C10orf143: variants seen among roughly 807,000 people sequenced by gnomAD.
C10orf143 encodes chromosome 10 open reading frame 143.
chr10:130,089,241 G>C (rs7071201), intron 1 of C10orf143, among the ~76,000 whole-genome samples: 5,840 of 152,280 alleles, frequency 0.038, 305 homozygotes, highest in East Asian at 0.11. Flanking sequence ...GGCTTGCAAG[G>C]TTTACCAAGC....
intron 1 of C10orf143, among the ~76,000 whole-genome samples, chr10:130,099,049 C>T (rs566887308): frequency 7.7e-4 from 113 of 147,226 alleles, no homozygotes; most frequent in Non-Finnish European, 1.5e-3. Flanking sequence ...GATCATGCCA[C>T]TTCACTCCAG....
chr10:130,073,089 C>T (rs1044189093), intron 3 of C10orf143, among the ~76,000 whole-genome samples: 1 of 152,082 alleles, frequency 6.6e-6, no homozygotes, highest in Non-Finnish European at 1.5e-5. Context: ...ATTTCTTGAC[C>T]CCTCTTCTCA....
At chr10:130,068,158 C>T (rs2764371) in intron 3 of C10orf143, 90,346 of 151,964 alleles carry the variant, frequency 0.59, 27,786 homozygotes, top group Admixed American at 0.71. Context: ...CCAGGTGCCC[C>T]CGGCACCCCC....
intron 3 of C10orf143, among the ~76,000 whole-genome samples, chr10:130,046,570 A>AT (rs1397177813): frequency 6.6e-6 from 1 of 152,230 alleles, no homozygotes; most frequent in African/African-American, 2.4e-5. Context: ...ATTTGATTTA[A>AT]TTTTTAATTT....
chr10:130,071,418 T>G (rs560184055), intron 3 of C10orf143, among the ~76,000 whole-genome samples: 1 of 152,344 alleles, frequency 6.6e-6, no homozygotes, highest in East Asian at 1.9e-4. Flanking sequence ...TGAACACCTA[T>G]TTATATTTAT....
At chr10:130,046,091 T>C (rs1449379345) in intron 3 of C10orf143, among the ~76,000 whole-genome samples, 2 of 46,938 alleles carry the variant, frequency 4.3e-5, no homozygotes, top group Non-Finnish European at 8.7e-5. Context: ...GCTCAGGGCA[T>C]GGGGATGGGG....
At chr10:130,044,270 G>A (rs1190991124) in intron 3 of C10orf143, among the ~76,000 whole-genome samples, 2 of 152,180 alleles carry the variant, frequency 1.3e-5, no homozygotes, top group South Asian at 2.1e-4. Flanking sequence ...GAGCCTGATG[G>A]GGGCCGAGCT....
downstream of C10orf143, among the ~76,000 whole-genome samples, chr10:130,059,574 AG>A (rs1394411960): frequency 7.2e-5 from 11 of 152,376 alleles, no homozygotes; most frequent in African/African-American, 2.6e-4. Context: ...CAATCAAAAG[AG>A]AAGACTTGCT....
Position 130,107,654 on chromosome 10 carries a change from A to G in C10orf143, c.69+3050T>C, listed in dbSNP as rs767146409. The G allele has an allele frequency of 4.5e-6, 6 of 1,321,220 alleles. No homozygotes were observed. In the African/African-American group the frequency reaches 8.7e-5, roughly 19 times the overall value. The allele number at this position is 1,321,220 out of a possible 1,614,324, so 81.8% of individuals were successfully genotyped here. A position where few individuals can be genotyped will look rare whatever the true frequency, so the allele number is the denominator to read the frequency against. On this transcript the variant is annotated intron_variant, in intron 1 of 3. Transcript: ENST00000637128. ...AACGAGAGCTTTTCTCTCTCCCGCA[A>G]CTCTGTTGGAGGGTCCACTCAGACT...
intron 1 of C10orf143, chr10:130,107,255 A>G: frequency 1.6e-6 from 2 of 1,214,424 alleles, no homozygotes; most frequent in Middle Eastern, 1.9e-4. Context: ...AGAGGAAAAT[A>G]GCCGGTTAGA....
intron 3 of C10orf143, among the ~76,000 whole-genome samples, chr10:130,053,443 C>T (rs559675387): frequency 2.6e-5 from 4 of 152,246 alleles, no homozygotes; most frequent in East Asian, 1.9e-4. Context: ...TTTTTTAAGC[C>T]GCTAAAACAA....
chr10:130,054,994 G>A (rs1860779214), intron 3 of C10orf143, among the ~76,000 whole-genome samples: 1 of 151,878 alleles, frequency 6.6e-6, no homozygotes, highest in African/African-American at 2.4e-5. Context: ...GAGAAAACTG[G>A]ATATGCAAAT....
chr10:130,110,580 T>G (rs1344589031), intron 1 of C10orf143, 124 bp downstream of exon 1: 2 of 397,390 alleles, frequency 5.0e-6, no homozygotes, highest in Admixed American at 4.4e-5. Context: ...TACGCGAGCG[T>G]GCGAGTGTCT....
intron 3 of C10orf143, among the ~76,000 whole-genome samples, chr10:130,072,098 G>A (rs992562668): frequency 1.3e-5 from 2 of 151,800 alleles, no homozygotes; most frequent in Non-Finnish European, 2.9e-5. Context: ...ATTTATAGGT[G>A]TATGTAAATC....
intron 3 of C10orf143, among the ~76,000 whole-genome samples, chr10:130,052,555 G>A (rs1267648468): frequency 2.0e-5 from 3 of 152,226 alleles, no homozygotes; most frequent in Non-Finnish European, 4.4e-5. Flanking sequence ...CCCAGCCTGC[G>A]TCAGCCCCAT....
chr10:130,098,226 G>T (rs1160117484), intron 1 of C10orf143, among the ~76,000 whole-genome samples: 1 of 152,124 alleles, frequency 6.6e-6, no homozygotes, highest in African/African-American at 2.4e-5. Flanking sequence ...TGGAGGCTGA[G>T]ACATGAGAAT....
chr10:130,103,070 C>A (rs1861584909), intron 1 of C10orf143, among the ~76,000 whole-genome samples: 1 of 151,888 alleles, frequency 6.6e-6, no homozygotes, highest in Non-Finnish European at 1.5e-5. Flanking sequence ...CCTCTGCCTC[C>A]CGGGCTCAAG....
chr10:130,107,375 A>C, intron 1 of C10orf143: 1 of 1,100,088 alleles, frequency 9.1e-7, no homozygotes, highest in Non-Finnish European at 1.4e-6. Context: ...GGAGAGAACT[A>C]TTCATTATTA....
intron 1 of C10orf143, among the ~76,000 whole-genome samples, chr10:130,099,743 G>C (rs1336374207): frequency 6.6e-6 from 1 of 151,742 alleles, no homozygotes. Context: ...GCCCAGGTTG[G>C]TCTTGAACTC....
Sources: allele counts gnomAD v4.1 joint callset (sites outside exome capture counted in the v4.1 genomes callset), GRCh38; gene constraint gnomAD v4.1.1; transcripts MANE v1.5; gene names NCBI Gene and HGNC (gene_info 2026-07-23, HGNC 2026-07-21).